Variants in RC3H1 observed in about 807,000 individuals in gnomAD.
RC3H1 encodes roquin-1.
A neutral mutation model predicts 138.2 loss-of-function variants in RC3H1; 50 were observed. The ratio of observed to expected loss-of-function variants is 0.36; its 90% CI spans 0.29 to 0.46. RC3H1 has a LOEUF of 0.46. RC3H1 is among the 20% of genes least tolerant of loss of function. The probability of loss-of-function intolerance (pLI) is 1.00; values close to 1 mark genes in which losing one functional copy is unlikely to be tolerated. For synonymous variants in RC3H1, 462 were observed against 489.1 expected (o/e 0.94, Z 0.73); for missense variants, 1,031 against 1,388.1 (o/e 0.74, Z 4.09).
chr1:173,986,394 C>G (rs940727049), intron 2 of RC3H1, among the ~76,000 whole-genome samples: 2 of 152,196 alleles, frequency 1.3e-5, no homozygotes, highest in African/African-American at 4.8e-5. Flanking sequence ...CTCTGTCACT[C>G]AGGCTGGAGT....
At chr1:173,941,707 A>C (rs1658868422) in intron 18 of RC3H1, among the ~76,000 whole-genome samples, 2 of 152,188 alleles carry the variant, frequency 1.3e-5, no homozygotes, top group Admixed American at 1.3e-4. Flanking sequence ...GGGCTGAGGC[A>C]GGTGGACTGC....
At chr1:173,985,688 T>C (rs1660999603) in intron 2 of RC3H1, among the ~76,000 whole-genome samples, 1 of 152,188 alleles carries the variant, frequency 6.6e-6, no homozygotes, top group Admixed American at 6.5e-5. Flanking sequence ...AATGTATTAC[T>C]ATTTATAGTC....
rs757747541 is a variant in RC3H1, at chr1:173,961,251, A to G, written c.2203-7T>C. 1 of 1,602,268 alleles carries G rather than the reference A, an allele frequency of 6.2e-7. No homozygotes were observed. Among genetic ancestry groups the G allele is most frequent in the Non-Finnish European group, 8.5e-7 (1 of 1,176,082 alleles). On this transcript the variant is annotated splice_region_variant and splice_polypyrimidine_tract_variant and intron_variant, in intron 12 of 19. Transcript: ENST00000367696. ...GCCGGCTATAAGGAGGTTCCTAAAA[A>G]TAGAAAGATTAGTTAAAATTGAAAG... is the stretch of plus-strand genomic sequence containing the variant.
At chr1:174,009,873 T>C (rs1224719805) in intron 1 of RC3H1, among the ~76,000 whole-genome samples, 1 of 152,134 alleles carries the variant, frequency 6.6e-6, no homozygotes, top group East Asian at 1.9e-4. Context: ...TCTTTAACTA[T>C]TTTTGAGTAC....
At chr1:173,984,791 T>C (rs1193379874) in intron 2 of RC3H1, among the ~76,000 whole-genome samples, 172 bp from the exon 3 acceptor site, 3 of 152,260 alleles carry the variant, frequency 2.0e-5, no homozygotes, top group South Asian at 4.1e-4. Flanking sequence ...TTCCTTTGTT[T>C]TGTTTCTCTA....
At chr1:173,968,879 G>A (rs1182919400) in intron 9 of RC3H1, among the ~76,000 whole-genome samples, 11 of 136,922 alleles carry the variant, frequency 8.0e-5, no homozygotes, top group Admixed American at 4.5e-4. Context: ...TTTTTTTGGA[G>A]ACAGAGTCTC....
rs1658532773 is a variant in RC3H1, at chr1:173,935,221, T to C, written c.*3500A>G. ...GACAGGACAGTTACTGGACTTATCT[T>C]ATGACAAAATTATATATAAATTAGG... On this transcript the variant is annotated 3_prime_UTR_variant, in exon 20 of 20. Transcript: ENST00000367696. The C allele has an allele frequency of 6.6e-6, 1 of 152,194 alleles. No individual in the cohort carries two copies. The highest frequency in any genetic ancestry group is 2.4e-5 in the African/African-American group (1 of 41,448). 9.4% of individuals were successfully genotyped at this position (152,194 alleles called of 1,614,324 possible).
chr1:174,021,623 G>A (rs1357941915), intron 1 of RC3H1, among the ~76,000 whole-genome samples: 1 of 152,148 alleles, frequency 6.6e-6, no homozygotes, highest in Non-Finnish European at 1.5e-5. Context: ...GAAGGGGAGC[G>A]CTTCAGGGGC....
intron 7 of RC3H1, among the ~76,000 whole-genome samples, chr1:173,976,452 C>CAA (rs575437385): frequency 1.8e-5 from 2 of 111,754 alleles, no homozygotes; most frequent in Non-Finnish European, 1.9e-5. Context: ...ACTGTATCTC[C>CAA]AAAAAAAAAA....
At chr1:173,968,469 C>T (rs1660213859) in intron 9 of RC3H1, among the ~76,000 whole-genome samples, 1 of 152,036 alleles carries the variant, frequency 6.6e-6, no homozygotes, top group African/African-American at 2.4e-5. Flanking sequence ...TGGAAGAGAT[C>T]CTTAATTTTA....
intron 5 of RC3H1, 36 bp downstream of exon 5, chr1:173,982,691 T>C: frequency 1.3e-6 from 2 of 1,514,744 alleles, no homozygotes; most frequent in Non-Finnish European, 1.8e-6. Flanking sequence ...AAGAACAATA[T>C]TTCCTTTCAA....
Position 173,993,077 on chromosome 1 carries a change from TC to T in RC3H1, c.-93del. The T allele has an allele frequency of 3.3e-6, 3 of 905,400 alleles. No individual in the cohort carries two copies. The highest frequency in any genetic ancestry group is 5.1e-6 in the Non-Finnish European group (3 of 585,944). The allele number at this position is 905,400 out of a possible 1,614,324, so 56.1% of individuals were successfully genotyped here. ...ATCAAAATCTTTGAAAAAAAGTTTATCTTTTTTTTTTTTAAATATCTTCTGT... is the reference window on the plus strand; with the variant it reads ...ATCAAAATCTTTGAAAAAAAGTTTATTTTTTTTTTTTTAAATATCTTCTGT... On this transcript the variant is annotated 5_prime_UTR_variant, in exon 2 of 20. Transcript: ENST00000367696.
chr1:173,946,061 C>A (rs1659121152), intron 17 of RC3H1, among the ~76,000 whole-genome samples: 1 of 151,928 alleles, frequency 6.6e-6, no homozygotes, highest in East Asian at 2.0e-4. Context: ...CCCAACCACT[C>A]AGGAGGCTGA....
intron 2 of RC3H1, among the ~76,000 whole-genome samples, chr1:173,985,210 T>C (rs907375922): frequency 2.6e-5 from 4 of 152,202 alleles, no homozygotes; most frequent in Non-Finnish European, 5.9e-5. Context: ...CAATCATCAT[T>C]GACAGACATA....
At chr1:173,994,729 T>C (rs1661420514) in intron 1 of RC3H1, among the ~76,000 whole-genome samples, 1 of 147,336 alleles carries the variant, frequency 6.8e-6, no homozygotes, top group African/African-American at 2.5e-5. Context: ...CCCAGGAGTT[T>C]GAGGCTGCAG....
chr1:173,977,388 G>T (rs550778560), intron 7 of RC3H1, among the ~76,000 whole-genome samples: 2 of 152,180 alleles, frequency 1.3e-5, no homozygotes, highest in African/African-American at 4.8e-5. Flanking sequence ...AAATCCCATT[G>T]TATGAAACAG....
chr1:173,944,434 C>T (rs964467655), intron 17 of RC3H1, among the ~76,000 whole-genome samples: 1 of 151,970 alleles, frequency 6.6e-6, no homozygotes, highest in African/African-American at 2.4e-5. Flanking sequence ...GGGGGGAAAG[C>T]GGAGGGATAG....
intron 1 of RC3H1, 53 bp from the exon 2 acceptor site, chr1:173,993,188 T>C (rs1661369299): frequency 1.8e-6 from 1 of 557,140 alleles, no homozygotes; most frequent in East Asian, 3.0e-5. Context: ...TCAATTAAAC[T>C]GTTGAAAAAG....
intron 2 of RC3H1, 94 bp from the exon 3 acceptor site, chr1:173,984,713 C>A (rs939498578): frequency 8.1e-7 from 1 of 1,234,170 alleles, no homozygotes; most frequent in Non-Finnish European, 1.1e-6. Flanking sequence ...ACACTGGTAA[C>A]ATCAAAACGC....
Sources: gnomAD v4.1 joint callset for allele counts (sites outside exome capture counted in the v4.1 genomes callset) on GRCh38, gnomAD v4.1.1 for gene constraint, MANE v1.5 for transcripts, NCBI Gene and HGNC (gene_info 2026-07-23, HGNC 2026-07-21) for gene names.